The following BARD1 variants were observed in gnomAD, a reference collection of about 807,000 sequenced individuals.
The protein encoded by BARD1 is BRCA1-associated RING domain protein 1.
Under a neutral mutation model 77.0 loss-of-function variants are expected in BARD1, and 73 were observed. The ratio of observed to expected loss-of-function variants is 0.95; its 90% confidence interval spans 0.79 to 1.15. The LOEUF is 1.15. Ranked by LOEUF, BARD1 falls within the 50% of genes most tolerant of loss-of-function variation. The probability of loss-of-function intolerance (pLI) is 0.00; values close to 1 mark genes in which losing one functional copy is unlikely to be tolerated. For synonymous variants in BARD1, 384 were observed against 338.0 expected (o/e 1.14, Z -1.49); for missense variants, 993 against 938.8 (o/e 1.06, Z -0.75).
chr2:214,778,480 T>A (rs1292157377), intron 4 of BARD1, among the ~76,000 whole-genome samples: 2 of 152,134 alleles, frequency 1.3e-5, no homozygotes, highest in East Asian at 3.9e-4. Context: ...GGCAAAACTC[T>A]AAGCAAACTG....
At chr2:214,777,233 G>A (rs997413636) in intron 4 of BARD1, among the ~76,000 whole-genome samples, 1 of 152,174 alleles carries the variant, frequency 6.6e-6, no homozygotes, top group Non-Finnish European at 1.5e-5. Context: ...GCAAGTGGTA[G>A]GGGCAAGAAA....
intron 9 of BARD1, among the ~76,000 whole-genome samples, chr2:214,743,592 A>ATT (rs57767382): frequency 1.3e-4 from 20 of 151,064 alleles, no homozygotes; most frequent in East Asian, 7.8e-4. Context: ...CTAGTTATTT[A>ATT]TTTTTTTTTG....
intron 1 of BARD1, among the ~76,000 whole-genome samples, chr2:214,803,190 A>AG (rs565640201): frequency 6.6e-6 from 1 of 150,472 alleles, no homozygotes; most frequent in Non-Finnish European, 1.5e-5. Flanking sequence ...ACACTGCGGA[A>AG]GGACCCCTGC....
intron 1 of BARD1, 57 bp downstream of exon 1, chr2:214,809,355 C>A: frequency 6.2e-7 from 1 of 1,603,962 alleles, no homozygotes; most frequent in Non-Finnish European, 8.5e-7. Context: ...TTCTGCCGCC[C>A]CCAGAAACTG....
At position 214,767,748 on chromosome 2, in the gene BARD1, C is replaced by T. The variant is rs778397957; in HGVS notation, c.1396-94G>A. The T allele has an allele frequency of 3.4e-5, 40 of 1,183,978 alleles. No homozygotes were observed. The East Asian group carries it at 5.8e-4, about 17-fold the overall frequency. 73.3% of individuals were successfully genotyped at this position (1,183,978 alleles called of 1,614,324 possible). On this transcript the variant is annotated intron_variant, in intron 5 of 10. Transcript: ENST00000260947. ...CACACTTTAGAAAAATAAATGTAAACGTCAGGCAGTAAATTTATTGTTACC... is the reference window on the plus strand; with the variant it reads ...CACACTTTAGAAAAATAAATGTAAATGTCAGGCAGTAAATTTATTGTTACC...
rs71579840 is a variant in BARD1, at chr2:214,809,652, G to T, written c.-83C>A. Reference sequence around the variant, plus strand: ...AACCACAGGGAAGCTGCAGGCCAGCGACTCGAAACCGGCCAAGCTCTTCCC... The same window carrying T: ...AACCACAGGGAAGCTGCAGGCCAGCTACTCGAAACCGGCCAAGCTCTTCCC... On this transcript the variant is annotated 5_prime_UTR_variant, in exon 1 of 11. Transcript: ENST00000260947. The T allele has an allele frequency of 3.0e-5, 44 of 1,489,840 alleles. No individual in the cohort carries two copies. The highest frequency in any genetic ancestry group is 3.9e-5 in the Non-Finnish European group (43 of 1,109,408). The allele number at this position is 1,489,840 out of a possible 1,614,324, so 92.3% of individuals were successfully genotyped here.
intron 1 of BARD1, among the ~76,000 whole-genome samples, chr2:214,806,897 C>G (rs78027379): frequency 0.078 from 10,435 of 133,810 alleles, 498 homozygotes; most frequent in African/African-American, 0.12. Flanking sequence ...AAAAAAGGCA[C>G]CCCATGTGAT....
At chr2:214,791,631 C>T (rs1054909066) in intron 3 of BARD1, among the ~76,000 whole-genome samples, 1 of 152,092 alleles carries the variant, frequency 6.6e-6, no homozygotes, top group African/African-American at 2.4e-5. Context: ...AACGTTAACC[C>T]CCACTTAAAT....
chr2:214,726,562 C>G lies in BARD1; in HGVS notation c.*2114G>C. The G allele has an allele frequency of 4.4e-6, 1 of 228,658 alleles. No individual in the cohort carries two copies. 14.2% of individuals were successfully genotyped at this position (228,658 alleles called of 1,614,324 possible). A position where few individuals can be genotyped will look rare whatever the true frequency, so the allele number is the denominator to read the frequency against. On this transcript the variant is annotated 3_prime_UTR_variant, in exon 11 of 11. Transcript: ENST00000260947. ...TAAGCTTTTGTTAGTTAATAGACTT[C>G]CTCACCAAGTCATGTTGAGCCTCAT...
intron 6 of BARD1, among the ~76,000 whole-genome samples, chr2:214,762,941 G>A (rs544930756): frequency 1.4e-4 from 19 of 138,064 alleles, no homozygotes; most frequent in African/African-American, 4.7e-4. Context: ...CTCCTTTCCT[G>A]GATTACTGGA....
intron 9 of BARD1, among the ~76,000 whole-genome samples, chr2:214,733,032 C>T (rs1308377774): frequency 2.0e-5 from 3 of 152,112 alleles, no homozygotes; most frequent in Admixed American, 6.5e-5. Context: ...AAATAACTTA[C>T]GAGGTAGAAA....
At chr2:214,759,026 C>A (rs1693827411) in intron 6 of BARD1, among the ~76,000 whole-genome samples, 1 of 152,138 alleles carries the variant, frequency 6.6e-6, no homozygotes, top group Non-Finnish European at 1.5e-5. Context: ...TACAAAACTG[C>A]AAACATATAG....
chr2:214,766,743 T>A (rs11896262), intron 6 of BARD1, among the ~76,000 whole-genome samples: 56,460 of 151,966 alleles, frequency 0.37, 10,617 homozygotes, highest in Middle Eastern at 0.44. Flanking sequence ...TACCTAATAG[T>A]ATGAAATGCT....
chr2:214,775,039 A>G (rs565375927), intron 4 of BARD1, among the ~76,000 whole-genome samples: 1 of 152,286 alleles, frequency 6.6e-6, no homozygotes, highest in East Asian at 1.9e-4. Context: ...TGGTTTGATC[A>G]TCTATCCAGA....
At chr2:214,746,502 A>G (rs1332719069) in intron 7 of BARD1, among the ~76,000 whole-genome samples, 3 of 152,172 alleles carry the variant, frequency 2.0e-5, no homozygotes, top group African/African-American at 7.2e-5. Context: ...TAGAATTCAC[A>G]GAAGACAAAA....
intron 9 of BARD1, among the ~76,000 whole-genome samples, chr2:214,732,808 T>C (rs1559376248): frequency 6.6e-6 from 1 of 152,184 alleles, no homozygotes; most frequent in African/African-American, 2.4e-5. Context: ...CTTTATGGCA[T>C]AATCGGTTTT....
At chr2:214,775,014 T>C (rs1343695569) in intron 4 of BARD1, among the ~76,000 whole-genome samples, 5 of 152,200 alleles carry the variant, frequency 3.3e-5, no homozygotes, top group Non-Finnish European at 7.3e-5. Flanking sequence ...AGGGTTTTGC[T>C]TAAGGAAATG....
chr2:214,791,711 A>C (rs1350946260), intron 3 of BARD1, among the ~76,000 whole-genome samples: 1 of 152,202 alleles, frequency 6.6e-6, no homozygotes, highest in Non-Finnish European at 1.5e-5. Flanking sequence ...AGTCTAGAAA[A>C]GTGATCCATG....
chr2:214,792,274 A>G (rs1338871801), intron 3 of BARD1, 23 bp downstream of exon 3: 14 of 1,611,392 alleles, frequency 8.7e-6, no homozygotes, highest in African/African-American at 6.7e-5. Flanking sequence ...AATTTAACTA[A>G]GAGAGATAGG....
Sources: allele counts gnomAD v4.1 joint callset (sites outside exome capture counted in the v4.1 genomes callset), GRCh38; gene constraint gnomAD v4.1.1; transcripts MANE v1.5; gene names NCBI Gene and HGNC (gene_info 2026-07-23, HGNC 2026-07-21).